The following LCP2 variants were observed in gnomAD, a reference collection of about 807,000 sequenced individuals.
LCP2 encodes the protein 76 kDa tyrosine phosphoprotein.
LCP2 carries 29 observed loss-of-function variants against 74.5 expected under a neutral mutation model. That is an observed-to-expected ratio of 0.39 (90% CI 0.29 to 0.53). The LOEUF is 0.53. LCP2 is among the 20% of genes least tolerant of loss of function. LCP2 has a pLI of 0.72. For synonymous variants in LCP2, 228 were observed against 229.5 expected (o/e 0.99, Z 0.06); for missense variants, 604 against 634.6 (o/e 0.95, Z 0.52).
intron 13 of LCP2, 59 bp downstream of exon 13, chr5:170,262,576 A>G (rs1761674611): frequency 7.6e-7 from 1 of 1,318,926 alleles, no homozygotes; most frequent in Non-Finnish European, 1.1e-6. Context: ...GAGTCAGCAC[A>G]GGGCAGCCTG....
intron 2 of LCP2, among the ~76,000 whole-genome samples, chr5:170,290,003 C>G (rs1348828423): frequency 1.3e-5 from 2 of 152,044 alleles, no homozygotes; most frequent in Non-Finnish European, 2.9e-5. Flanking sequence ...TGGCTGGAGA[C>G]ACAGAGGAGC....
rs769796319 is a variant in LCP2, at chr5:170,248,805, CACAG to C, written c.1490_1493del (p.Ser497CysfsTer29). The C allele has an allele frequency of 1.9e-6, 3 of 1,612,338 alleles. No homozygotes were observed. The highest frequency in any genetic ancestry group is 2.5e-6 in the Non-Finnish European group (3 of 1,179,070). On this transcript the variant is annotated frameshift_variant, in exon 21 of 21. Transcript: ENST00000046794. LOFTEE classifies it low-confidence loss of function (END_TRUNC). ...TCCTGAAGTAGTCAATAATATCTGA[CACAG>C]ACAGAAAGTCCTGAAAGAGTCAAGA... is the stretch of plus-strand genomic sequence containing the variant.
intron 10 of LCP2, among the ~76,000 whole-genome samples, chr5:170,266,544 C>T (rs1010617269): frequency 6.6e-6 from 1 of 152,180 alleles, no homozygotes; most frequent in Non-Finnish European, 1.5e-5. Flanking sequence ...CAGCACAGCC[C>T]CCAGAAGCTG....
rs745491453 is a variant in LCP2 at position 170,275,317 on chromosome 5, T to C, written c.286+3A>G. On this transcript the variant is annotated splice_donor_region_variant and intron_variant, in intron 5 of 20. Transcript: ENST00000046794. ...AATCACCTCTGAGCCCTGAGAGCTT[T>C]ACCTGTCTCTTCAGGAAACCGCGGG... The C allele has an allele frequency of 1.9e-6, 3 of 1,614,010 alleles. No homozygotes were observed. Among genetic ancestry groups the C allele is most frequent in the Non-Finnish European group, 8.5e-7 (1 of 1,179,868 alleles).
intron 16 of LCP2, 64 bp downstream of exon 16, chr5:170,257,973 T>A (rs1406711748): frequency 1.3e-6 from 2 of 1,538,784 alleles, no homozygotes; most frequent in Non-Finnish European, 1.8e-6. Context: ...TGCCTGGCAT[T>A]ACTTCAGTAC....
intron 10 of LCP2, among the ~76,000 whole-genome samples, chr5:170,263,363 A>C (rs1347819087): frequency 6.6e-6 from 1 of 152,208 alleles, no homozygotes; most frequent in Non-Finnish European, 1.5e-5. Context: ...TTTCTTCTGC[A>C]GCCTAAGTTT....
chr5:170,297,509 C>T (rs1762411896), intron 1 of LCP2, 25 bp downstream of exon 1: 1 of 1,602,626 alleles, frequency 6.2e-7, no homozygotes, highest in Non-Finnish European at 8.5e-7. Context: ...AGCATCATGA[C>T]CATTCACACA....
chr5:170,290,809 C>T (rs1254650616), intron 2 of LCP2, among the ~76,000 whole-genome samples: 1 of 152,174 alleles, frequency 6.6e-6, no homozygotes, highest in African/African-American at 2.4e-5. Context: ...TCCCAACTGA[C>T]ACAAGTCTCA....
In LCP2 at chr5:170,256,188, T is replaced by C. The variant is rs552407411; in HGVS notation, c.1150+338A>G. ...GTATGTATGTGTGTATGCATGTGCA[T>C]GTGTGTGCATGTATTGTGTATGTGT... On this transcript the variant is annotated intron_variant, in intron 17 of 20. Transcript: ENST00000046794. This position sits in a 1 kb window ranked among gnomAD's most constrained non-coding sequence, Gnocchi z 4.5. 7.2e-5 allele frequency among the ~76,000 whole-genome samples: 11 copies of C among 152,240 alleles called. No homozygotes were observed. The East Asian group carries it at 1.4e-3, about 19-fold the overall frequency.
intron 17 of LCP2, among the ~76,000 whole-genome samples, chr5:170,255,469 C>G (rs1233888710): frequency 6.6e-6 from 1 of 152,190 alleles, no homozygotes; most frequent in Non-Finnish European, 1.5e-5. Context: ...TCATTCTTCA[C>G]AGCATTTTTT....
chr5:170,267,795 TA>T (rs2113175132), intron 8 of LCP2, among the ~76,000 whole-genome samples: 1 of 152,252 alleles, frequency 6.6e-6, no homozygotes, highest in South Asian at 2.1e-4. Flanking sequence ...ATTTGCTGAT[TA>T]AATAAGTGAA....
At chr5:170,252,588 T>C in intron 18 of LCP2, 77 bp from the exon 19 acceptor site, 4 of 705,258 alleles carry the variant, frequency 5.7e-6, no homozygotes, top group Non-Finnish European at 4.9e-6. Context: ...CTCTGAGTAA[T>C]CATTTCCATA....
rs1318250138 is a variant in LCP2 at position 170,258,883 on chromosome 5, G to A, written c.958-5C>T. On this transcript the variant is annotated splice_region_variant and splice_polypyrimidine_tract_variant and intron_variant, in intron 14 of 20. Transcript: ENST00000046794. ...GAACATACCATCATCTTCATCCTGG[G>A]AAGGGGAAGAAAAAAAAAGATATTA... is the stretch of plus-strand genomic sequence containing the variant. 1 of 1,573,754 alleles carries A rather than the reference G, an allele frequency of 6.4e-7. No homozygotes were observed. The highest frequency in any genetic ancestry group is 8.7e-7 in the Non-Finnish European group (1 of 1,151,720).
At chr5:170,265,502 T>G (rs1761737521) in intron 10 of LCP2, among the ~76,000 whole-genome samples, 1 of 152,206 alleles carries the variant, frequency 6.6e-6, no homozygotes. Context: ...CAGGAGGTGA[T>G]TGCGAAGGAT....
chr5:170,287,972 C>T lies in LCP2; in HGVS notation c.186G>A (p.Val62=). Residue 62 remains valine, a splice_region_variant and synonymous_variant, in exon 3 of 21, where the codon GTG becomes GTA. Coordinates refer to ENST00000046794, the MANE Select transcript of LCP2 (RefSeq NM_005565.5). ...CATAGAGTTGGAGGAGTACTTACGG[C>T]ACCCGGAGCTTGGGGAACTTCTGGA... ...NDIQKFPKLR[V]PILSKLSQEI... is the part of the protein sequence containing the mutation. 1 of 1,613,868 alleles carries T rather than the reference C, an allele frequency of 6.2e-7. No individual in the cohort carries two copies. The highest frequency in any genetic ancestry group is 1.1e-5 in the South Asian group (1 of 91,074).
At chr5:170,252,961 T>C (rs1227870675) in intron 18 of LCP2, among the ~76,000 whole-genome samples, 158 bp downstream of exon 18, 1 of 152,232 alleles carries the variant, frequency 6.6e-6, no homozygotes, top group African/African-American at 2.4e-5. Flanking sequence ...GAAAAGAACA[T>C]ATTGTTCATC....
In LCP2 at chr5:170,288,387, C is replaced by T. The variant is rs553016177; in HGVS notation, c.142-371G>A. On this transcript the variant is annotated intron_variant, in intron 2 of 20. Transcript: ENST00000046794. ...CCATGTTAGGACCTCTTCCCTACAC[C>T]CCAGACCTCAGGCCCTCTCAGTCTC... 3.4e-4 allele frequency among the ~76,000 whole-genome samples: 52 copies of T among 152,300 alleles called. 1 individual carries two copies. The South Asian group carries it at 9.7e-3, about 28-fold the overall frequency.
In LCP2 at chr5:170,289,934, C is replaced by T. The variant is rs3804252; in HGVS notation, c.142-1918G>A. On this transcript the variant is annotated intron_variant, in intron 2 of 20. Transcript: ENST00000046794. Reference sequence around the variant, plus strand: ...GCCACCAGCTTCTGCTCTGCTGAGACGAGGGCGTAAGCTGAGGGAATTTCA... The same window carrying T: ...GCCACCAGCTTCTGCTCTGCTGAGATGAGGGCGTAAGCTGAGGGAATTTCA... Among the ~76,000 whole-genome samples, 162 of 151,654 alleles carry T rather than the reference C, an allele frequency of 1.1e-3. 1 individual carries two copies. Among genetic ancestry groups the T allele is most frequent in the African/African-American group, 3.7e-3 (153 of 41,272 alleles).
intron 17 of LCP2, among the ~76,000 whole-genome samples, chr5:170,253,950 AGTTGCCCAGGG>A (rs1325346458): frequency 2.0e-5 from 3 of 152,190 alleles, no homozygotes; most frequent in Admixed American, 1.3e-4. Flanking sequence ...TGTTTATTGC[AGTTGCCCAGGG>A]TATTTTCTAT....
Sources: gnomAD v4.1 joint callset for allele counts (sites outside exome capture counted in the v4.1 genomes callset) on GRCh38, gnomAD v4.1.1 for gene constraint, Gnocchi (gnomAD v3.1) non-coding constraint, MANE v1.5 for transcripts, NCBI Gene and HGNC (gene_info 2026-07-23, HGNC 2026-07-21) for gene names.